Variants in RUBCN observed in about 807,000 individuals in gnomAD.
The protein encoded by RUBCN is run domain Beclin-1-interacting and cysteine-rich domain-containing protein.
Under a neutral mutation model 113.2 loss-of-function variants are expected in RUBCN, and 74 were observed. The observed-to-expected ratio is 0.65, with a 90% CI of 0.54 to 0.79. RUBCN has a LOEUF of 0.79. RUBCN is among the 30% of genes least tolerant of loss of function. RUBCN has a pLI of 0.00. For synonymous variants in RUBCN, 480 were observed against 490.0 expected, an observed-to-expected ratio of 0.98 and a Z score of 0.27; for missense variants, 1,109 against 1,251.7, an observed-to-expected ratio of 0.89 and a Z score of 1.72.
At chr3:197,700,096 C>T (rs1723472531) in intron 7 of RUBCN, among the ~76,000 whole-genome samples, 1 of 152,192 alleles carries the variant, frequency 6.6e-6, no homozygotes, top group African/African-American at 2.4e-5. Flanking sequence ...CTGACGGCCT[C>T]TCACCCTGAA....
At chr3:197,704,463 G>C in intron 4 of RUBCN, 79 bp downstream of exon 4, 1 of 1,359,172 alleles carries the variant, frequency 7.4e-7, no homozygotes, top group Non-Finnish European at 1.1e-6. Flanking sequence ...AGGAGGCCCT[G>C]GTACCAGAGG....
intron 2 of RUBCN, among the ~76,000 whole-genome samples, chr3:197,716,762 G>A (rs1183591412): frequency 6.6e-6 from 1 of 152,114 alleles, no homozygotes; most frequent in African/African-American, 2.4e-5. Flanking sequence ...TCCTTAAGAG[G>A]GAGGTAGGAA....
At chr3:197,742,010 G>A (rs1262198591) in intron 1 of RUBCN, among the ~76,000 whole-genome samples, 1 of 150,726 alleles carries the variant, frequency 6.6e-6, no homozygotes, top group Non-Finnish European at 1.5e-5. Context: ...CGATTCTCCT[G>A]CCTCAGCCTC....
chr3:197,713,128 G>A (rs1358665236), intron 2 of RUBCN, among the ~76,000 whole-genome samples: 1 of 152,098 alleles, frequency 6.6e-6, no homozygotes. Flanking sequence ...CAAAGCGCTG[G>A]GATTACAGGC....
intron 1 of RUBCN, among the ~76,000 whole-genome samples, chr3:197,733,729 C>A (rs911226840): frequency 6.6e-6 from 1 of 152,140 alleles, no homozygotes; most frequent in Non-Finnish European, 1.5e-5. Flanking sequence ...ATGCCTATAA[C>A]AATGACGGGA....
chr3:197,711,836 T>C (rs1284062621), intron 2 of RUBCN, among the ~76,000 whole-genome samples: 5 of 152,200 alleles, frequency 3.3e-5, no homozygotes, highest in Non-Finnish European at 4.4e-5. Context: ...TTTCAAGTTA[T>C]AGAGTGATAT....
At chr3:197,698,936 T>C (rs976409930) in intron 7 of RUBCN, among the ~76,000 whole-genome samples, 7 of 152,100 alleles carry the variant, frequency 4.6e-5, no homozygotes, top group African/African-American at 9.7e-5. Flanking sequence ...AGTTTCACCT[T>C]TGGGCAAAAC....
rs770313578 is a variant in RUBCN, at chr3:197,736,697, A to C, written c.23T>G (p.Met8Arg). 4 of 1,531,304 alleles carry C rather than the reference A, an allele frequency of 2.6e-6. No homozygotes were observed. Among genetic ancestry groups the C allele is most frequent in the Non-Finnish European group, 2.6e-6 (3 of 1,145,726 alleles). The allele number at this position is 1,531,304 out of a possible 1,614,324, so 94.9% of individuals were successfully genotyped here. A position where few individuals can be genotyped will look rare whatever the true frequency, so the allele number is the denominator to read the frequency against. ...GCGCTCCTCGCCGCCTCCGAGCTCC[A>C]TTCCCGCGCCCTCCGGCCGCATCCG... MRPEGAG[M>R]ELGGGEERLP... The change falls in exon 1 of 20, where the codon ATG (methionine) becomes AGG (arginine). Residue 8 changes from methionine to arginine, a missense_variant. By Grantham distance (91) the Met-to-Arg change is moderately conservative (BLOSUM62 -1). Around this residue, in one of 3 missense-constraint regions of RUBCN, gnomAD observed 736 missense variants for 779.6 expected, o/e 0.94. Transcript: ENST00000296343.
In RUBCN at chr3:197,736,243, C is replaced by A. The variant is rs558698518; in HGVS notation, c.65+412G>T. 1.7e-3 allele frequency among the ~76,000 whole-genome samples: 254 copies of A among 152,316 alleles called. 5 individuals carry two copies. Among genetic ancestry groups the A allele is most frequent in the African/African-American group, 5.7e-3 (239 of 41,566 alleles). ...CCTCTGCTCCCAGGAATTCTCACAT[C>A]CTCTTCGCGTTGGCCCCACTTGCTG... On this transcript the variant is annotated intron_variant, in intron 1 of 19. Transcript: ENST00000296343.
Position 197,709,946 on chromosome 3 carries a change from G to A in RUBCN, c.220-4771C>T, listed in dbSNP as rs1013217581. ...AGCATTTTGGGAGGCAGAGGCAGGC[G>A]GATCACTTGAAGTCAGGAGTTCGAG... On this transcript the variant is annotated intron_variant, in intron 2 of 19. Coordinates refer to ENST00000296343, the MANE Select transcript of RUBCN (RefSeq NM_014687.4). Among the ~76,000 whole-genome samples the A allele has an allele frequency of 1.2e-4, 18 of 151,982 alleles. 1 individual carries two copies. Among genetic ancestry groups the A allele is most frequent in the Admixed American group, 3.3e-4 (5 of 15,248 alleles).
At chr3:197,724,652 A>G (rs974395020) in intron 1 of RUBCN, among the ~76,000 whole-genome samples, 2 of 152,250 alleles carry the variant, frequency 1.3e-5, no homozygotes, top group African/African-American at 4.8e-5. Context: ...AGGAAGAAAG[A>G]TGTGACATCC....
chr3:197,744,162 A>C (rs559940078), intron 1 of RUBCN, among the ~76,000 whole-genome samples: 56 of 152,206 alleles, frequency 3.7e-4, no homozygotes, highest in Non-Finnish European at 6.6e-4. Context: ...AAGAGTTAAC[A>C]TAAGAAACAG....
Position 197,694,326 on chromosome 3 carries a change from C to G in RUBCN, c.1684+49G>C. ...ACTGGTTTGGGCACCAGGCCTTATGCTGAAGTTGGGAAAATGTGGGAACAG... is the reference window on the plus strand; with the variant it reads ...ACTGGTTTGGGCACCAGGCCTTATGGTGAAGTTGGGAAAATGTGGGAACAG... On this transcript the variant is annotated intron_variant, in intron 10 of 19. Coordinates refer to ENST00000296343, the MANE Select transcript of RUBCN (RefSeq NM_014687.4). 4 of 1,552,740 alleles carry G rather than the reference C, an allele frequency of 2.6e-6. No individual in the cohort carries two copies. In the East Asian group the frequency reaches 9.0e-5, roughly 35 times the overall value.
At chr3:197,703,692 C>T in intron 4 of RUBCN, 38 bp from the exon 5 acceptor site, 1 of 1,353,434 alleles carries the variant, frequency 7.4e-7, no homozygotes, top group Non-Finnish European at 1.1e-6. Context: ...TAGAGCCCAT[C>T]AGGGAGGCCT....
At chr3:197,739,370 G>A (rs1324646575), upstream of RUBCN, among the ~76,000 whole-genome samples, 5 of 145,472 alleles carry the variant, frequency 3.4e-5, no homozygotes, top group Non-Finnish European at 6.0e-5. Context: ...CAGCCTGGGC[G>A]ATAAGAGCAA....
chr3:197,736,578 T>C, intron 1 of RUBCN, 77 bp downstream of exon 1: 1 of 1,439,590 alleles, frequency 6.9e-7, no homozygotes, highest in African/African-American at 1.4e-5. Flanking sequence ...CTTCTCTCCG[T>C]GACCCCGCGC....
rs1719596843 is a variant in RUBCN at position 197,669,551 on chromosome 3, A to G, written c.*5467T>C. Among the ~76,000 whole-genome samples the G allele has an allele frequency of 6.6e-6, 1 of 152,236 alleles. No homozygotes were observed. The highest frequency in any genetic ancestry group is 2.1e-4 in the South Asian group (1 of 4,832). On this transcript the variant is annotated 3_prime_UTR_variant, in exon 20 of 20. Transcript: ENST00000296343. ...CCCCTTTCATTGTATTAGTAGGTAC[A>G]TGACATCCAATGACATCTTTGGAGA...
At chr3:197,744,694 T>C (rs561146581) in intron 1 of RUBCN, among the ~76,000 whole-genome samples, 9 of 152,116 alleles carry the variant, frequency 5.9e-5, no homozygotes. Context: ...TAAAAAACAG[T>C]TATGCTATGT....
intron 11 of RUBCN, 125 bp from the exon 12 acceptor site, chr3:197,684,342 G>T (rs1489748876): frequency 2.5e-6 from 2 of 786,018 alleles, no homozygotes; most frequent in Admixed American, 3.5e-5. Flanking sequence ...ACTCTATGCA[G>T]GAGAAAGGAG....
Sources: allele counts gnomAD v4.1 joint callset (sites outside exome capture counted in the v4.1 genomes callset), GRCh38; gene constraint gnomAD v4.1.1; regional missense constraint gnomAD v4.1.1; transcripts MANE v1.5; gene names NCBI Gene and HGNC (gene_info 2026-07-23, HGNC 2026-07-21).